Variants in GRB2 observed in about 807,000 individuals in gnomAD.
GRB2 encodes growth factor receptor bound protein 2, also known as growth factor receptor-bound protein 2.
A neutral mutation model predicts 27.4 loss-of-function variants in GRB2; 2 were observed. The observed-to-expected ratio is 0.07, with a 90% CI of 0.03 to 0.23. GRB2 has a LOEUF of 0.23. Ranked by LOEUF, GRB2 falls within the 10% of genes least tolerant of loss-of-function variation. The probability of loss-of-function intolerance (pLI) is 1.00; values close to 1 mark genes in which losing one functional copy is unlikely to be tolerated. For synonymous variants in GRB2, 94 were observed against 99.6 expected, an observed-to-expected ratio of 0.94 and a Z score of 0.33; for missense variants, 102 against 282.4, an observed-to-expected ratio of 0.36 and a Z score of 4.58.
At chr17:75,383,634 G>A (rs1038846359) in intron 2 of GRB2, among the ~76,000 whole-genome samples, 4 of 152,154 alleles carry the variant, frequency 2.6e-5, no homozygotes, top group Non-Finnish European at 4.4e-5. Flanking sequence ...ACAAGGTCAG[G>A]AGTTCGAGAC....
chr17:75,350,904 T>A (rs1171312737), intron 2 of GRB2, among the ~76,000 whole-genome samples: 2 of 152,148 alleles, frequency 1.3e-5, no homozygotes, highest in Non-Finnish European at 2.9e-5. Context: ...GGCAGAGGAA[T>A]GCGCAGGTGC....
chr17:75,375,320 T>C (rs562321174), intron 2 of GRB2, among the ~76,000 whole-genome samples: 1 of 152,152 alleles, frequency 6.6e-6, no homozygotes, highest in East Asian at 1.9e-4. Flanking sequence ...TATTCTTTCC[T>C]GTAATTGCTG....
At chr17:75,397,101 CAG>C (rs1336793926) in intron 1 of GRB2, among the ~76,000 whole-genome samples, 4 of 152,122 alleles carry the variant, frequency 2.6e-5, no homozygotes, top group Non-Finnish European at 5.9e-5. Flanking sequence ...TTGTGAGATG[CAG>C]AGTTTGACAG....
chr17:75,354,881 C>A (rs9913248), intron 2 of GRB2, among the ~76,000 whole-genome samples: 3 of 152,212 alleles, frequency 2.0e-5, no homozygotes, highest in Admixed American at 2.0e-4. Context: ...AAAAACAGAT[C>A]TATGGCCGGG....
intron 2 of GRB2, among the ~76,000 whole-genome samples, chr17:75,358,718 A>C (rs376557997): frequency 1.2e-4 from 18 of 144,224 alleles, no homozygotes; most frequent in Non-Finnish European, 2.3e-4. Context: ...AAAAAAAAAA[A>C]AAAAAAAACA....
intron 2 of GRB2, among the ~76,000 whole-genome samples, chr17:75,379,676 AG>A (rs2078915479): frequency 6.6e-6 from 1 of 152,128 alleles, no homozygotes; most frequent in Non-Finnish European, 1.5e-5. Flanking sequence ...CTAGGATTAC[AG>A]GCCACCACAC....
At chr17:75,321,493 T>TAGTGTGAATGGAGGGTAACATTTTC (rs1460143820) in intron 5 of GRB2, among the ~76,000 whole-genome samples, 166 bp downstream of exon 5, 1 of 152,112 alleles carries the variant, frequency 6.6e-6, no homozygotes, top group African/African-American at 2.4e-5. Flanking sequence ...AAGAACTCTT[T>TAGTGTGAATGGAGGGTAACATTTTC]AGTGTGAATG....
chr17:75,346,070 G>A (rs943926603), intron 2 of GRB2, among the ~76,000 whole-genome samples: 4 of 152,082 alleles, frequency 2.6e-5, no homozygotes, highest in Non-Finnish European at 4.4e-5. Context: ...GGGGCAGTGC[G>A]GTAGAGAGGA....
At chr17:75,322,162 C>T (rs1224322660) in intron 4 of GRB2, among the ~76,000 whole-genome samples, 2 of 152,078 alleles carry the variant, frequency 1.3e-5, no homozygotes, top group African/African-American at 2.4e-5. Context: ...CACCTGAGGT[C>T]GGGAGTTCGA....
rs2078451390 is a variant in GRB2 at position 75,320,515 on chromosome 17, G to C, written c.507C>G (p.Pro169=). 1 of 1,613,892 alleles carries C rather than the reference G, an allele frequency of 6.2e-7. No individual in the cohort carries two copies. Among genetic ancestry groups the C allele is most frequent in the African/African-American group, 1.3e-5 (1 of 74,876 alleles). ...TYVQALFDFD[P]QEDGELGFRR... ...GGAAGCCCAGCTCTCCATCCTCCTGGGGATCAAAGTCAAAGAGGGCCTGGA... is the reference window on the plus strand; with the variant it reads ...GGAAGCCCAGCTCTCCATCCTCCTGCGGATCAAAGTCAAAGAGGGCCTGGA... The change falls in exon 6 of 6, where the codon CCC becomes CCG. Residue 169 remains proline, a synonymous_variant. Coordinates refer to ENST00000316804, the MANE Select transcript of GRB2 (RefSeq NM_002086.5). This position sits in a 1 kb window ranked among gnomAD's most constrained non-coding sequence, Gnocchi z 4.3.
intron 1 of GRB2, among the ~76,000 whole-genome samples, chr17:75,395,529 G>A (rs1481279605): frequency 1.3e-5 from 2 of 152,164 alleles, no homozygotes; most frequent in Non-Finnish European, 2.9e-5. Context: ...TTATGAAAAA[G>A]AGCAGCTCCC....
At chr17:75,382,813 A>G (rs2078937875) in intron 2 of GRB2, among the ~76,000 whole-genome samples, 1 of 152,132 alleles carries the variant, frequency 6.6e-6, no homozygotes, top group Non-Finnish European at 1.5e-5. Context: ...GGTTCACGCC[A>G]TTCTCCTGCC....
At position 75,375,077 on chromosome 17, in the gene GRB2, G is replaced by GT. The variant is rs376687494; in HGVS notation, c.78+18473dup. 9.7e-4 allele frequency among the ~76,000 whole-genome samples: 143 copies of GT among 147,496 alleles called. 1 individual carries two copies. The highest frequency in any genetic ancestry group is 7.8e-3 in the South Asian group (36 of 4,618). On this transcript the variant is annotated intron_variant, in intron 2 of 5. Coordinates refer to ENST00000316804, the MANE Select transcript of GRB2 (RefSeq NM_002086.5). ...CGATTGGCTAATTTAAACATTTTTG[G>GT]TTTTTTTTTTGTAGACGGGGGGGTC... is the stretch of plus-strand genomic sequence containing the variant.
intron 2 of GRB2, among the ~76,000 whole-genome samples, chr17:75,337,420 A>G (rs944249050): frequency 2.1e-4 from 32 of 152,008 alleles, no homozygotes; most frequent in Admixed American, 2.0e-3. Context: ...ACAAAACAGC[A>G]AAGAACACAA....
At chr17:75,344,639 G>C (rs1353342131) in intron 2 of GRB2, among the ~76,000 whole-genome samples, 1 of 151,968 alleles carries the variant, frequency 6.6e-6, no homozygotes, top group Non-Finnish European at 1.5e-5. Flanking sequence ...TGATCTGCCC[G>C]CCTCGGCCTC....
chr17:75,372,202 G>A (rs1471334292), intron 2 of GRB2: 1 of 152,296 alleles, frequency 6.6e-6, no homozygotes, highest in East Asian at 1.9e-4. Context: ...CCCGAGCAGT[G>A]AGCCTAAGAG....
intron 4 of GRB2, among the ~76,000 whole-genome samples, chr17:75,323,921 T>A (rs1333449785): frequency 6.6e-6 from 1 of 152,092 alleles, no homozygotes; most frequent in Non-Finnish European, 1.5e-5. Context: ...GTGATTCTCC[T>A]GCTTCAGCCT....
Position 75,318,854 on chromosome 17 carries a change from A to C in GRB2, c.*1514T>G, listed in dbSNP as rs2145814278. On this transcript the variant is annotated 3_prime_UTR_variant, in exon 6 of 6. Transcript: ENST00000316804. Reference sequence around the variant, plus strand: ...TCACTGTGTACCCCAGCATAGGAATAGTGAAACCTGCTACAACTGGAGGCT... The same window carrying C: ...TCACTGTGTACCCCAGCATAGGAATCGTGAAACCTGCTACAACTGGAGGCT... 6.6e-6 allele frequency: 1 copy of C among 151,930 alleles called. No homozygotes were observed. 9.4% of individuals were successfully genotyped at this position (151,930 alleles called of 1,614,324 possible). A position where few individuals can be genotyped will look rare whatever the true frequency, so the allele number is the denominator to read the frequency against.
At chr17:75,380,166 AAG>A (rs1300665897) in intron 2 of GRB2, among the ~76,000 whole-genome samples, 1 of 152,178 alleles carries the variant, frequency 6.6e-6, no homozygotes, top group Non-Finnish European at 1.5e-5. Flanking sequence ...CTACACCAAG[AAG>A]AGTTTTAATA....
Sources: allele counts gnomAD v4.1 joint callset (sites outside exome capture counted in the v4.1 genomes callset), GRCh38; gene constraint gnomAD v4.1.1; non-coding constraint Gnocchi (gnomAD v3.1); transcripts MANE v1.5; gene names NCBI Gene and HGNC (gene_info 2026-07-23, HGNC 2026-07-21).